PAFAH1B1: variants seen among roughly 807,000 people sequenced by gnomAD.
PAFAH1B1 encodes platelet activating factor acetylhydrolase 1b regulatory subunit 1.
A neutral mutation model predicts 57.5 loss-of-function variants in PAFAH1B1; 2 were observed. The observed-to-expected ratio is 0.03, with a 90% CI of 0.01 to 0.11. The LOEUF (loss-of-function observed/expected upper bound fraction) is 0.11, where lower values mean the gene tolerates loss of function less well. Ranked by LOEUF, PAFAH1B1 falls within the 10% of genes least tolerant of loss-of-function variation. The probability of loss-of-function intolerance (pLI) is 1.00; values close to 1 mark genes in which losing one functional copy is unlikely to be tolerated. For synonymous variants in PAFAH1B1, 152 were observed against 169.6 expected, an observed-to-expected ratio of 0.90 and a Z score of 0.81; for missense variants, 257 against 512.0, an observed-to-expected ratio of 0.50 and a Z score of 4.81.
chr17:2,615,464 G>A lies in PAFAH1B1; in HGVS notation c.-191+21458G>A, dbSNP rs201303861. Among the ~76,000 whole-genome samples the A allele has an allele frequency of 9.9e-5, 15 of 152,058 alleles. No individual in the cohort carries two copies. The East Asian group carries it at 2.7e-3, about 27-fold the overall frequency. On this transcript the variant is annotated intron_variant, in intron 1 of 10. Transcript: ENST00000397195. ...TTTCTTTCTTTCTTTTTTTTGAGAT[G>A]GAGTCTCACTGTGTCGCCCAGCCTG...
At chr17:2,625,414 A>G (rs11867265) in intron 1 of PAFAH1B1, among the ~76,000 whole-genome samples, 108 of 152,308 alleles carry the variant, frequency 7.1e-4, no homozygotes, top group African/African-American at 2.4e-3. Context: ...AATACATGCA[A>G]TATTTTGTTT....
intron 5 of PAFAH1B1, 105 bp from the exon 6 acceptor site, chr17:2,670,058 C>A (rs181384339): frequency 3.4e-6 from 3 of 874,280 alleles, no homozygotes; most frequent in Admixed American, 3.4e-5. Flanking sequence ...GTTACTTGTT[C>A]GGTTAGTTAC....
intron 5 of PAFAH1B1, among the ~76,000 whole-genome samples, chr17:2,669,714 T>C (rs530125045): frequency 3.9e-4 from 60 of 152,332 alleles, no homozygotes; most frequent in Middle Eastern, 3.4e-3. Context: ...TCAAATATTC[T>C]ACATACAAAT....
chr17:2,670,690 G>C (rs181810265), intron 6 of PAFAH1B1, among the ~76,000 whole-genome samples: 24 of 152,298 alleles, frequency 1.6e-4, no homozygotes, highest in Admixed American at 1.6e-3. Flanking sequence ...AACGAGCCCA[G>C]ATTCTCTTGC....
intron 2 of PAFAH1B1, among the ~76,000 whole-genome samples, chr17:2,664,803 C>G (rs1430819790): frequency 6.6e-6 from 1 of 151,976 alleles, no homozygotes; most frequent in Non-Finnish European, 1.5e-5. Context: ...GCTTCTCTAA[C>G]CTTCAAGTTC....
At chr17:2,621,617 T>G (rs970762841) in intron 1 of PAFAH1B1, among the ~76,000 whole-genome samples, 2 of 51,882 alleles carry the variant, frequency 3.9e-5, no homozygotes, top group African/African-American at 1.0e-4. Flanking sequence ...CTTTTTTTTT[T>G]TTTTTTTTTT....
At chr17:2,604,411 T>TA in intron 1 of PAFAH1B1, among the ~76,000 whole-genome samples, 1 of 152,280 alleles carries the variant, frequency 6.6e-6, no homozygotes, top group Admixed American at 6.5e-5. Context: ...CCTGAGTTGT[T>TA]ATGGTATACC....
chr17:2,651,410 C>G (rs144473172), intron 2 of PAFAH1B1, among the ~76,000 whole-genome samples: 1 of 123,164 alleles, frequency 8.1e-6, no homozygotes, highest in African/African-American at 3.3e-5. Flanking sequence ...AACCCCGTCT[C>G]TACAAAAAAA....
In PAFAH1B1 at chr17:2,621,629, T is replaced by G. The variant is rs963402567; in HGVS notation, c.-190-16470T>G. ...TGTCTTTTTTTTTTTTTTTTTTTTT[T>G]TTTTTTTTTTTTTTGAGACAGGGTC... is the stretch of plus-strand genomic sequence containing the variant. On this transcript the variant is annotated intron_variant, in intron 1 of 10. Coordinates refer to ENST00000397195, the MANE Select transcript of PAFAH1B1 (RefSeq NM_000430.4). Among the ~76,000 whole-genome samples, 46 of 88,768 alleles carry G rather than the reference T, an allele frequency of 5.2e-4. 2 individuals are homozygous for G. Among genetic ancestry groups the G allele is most frequent in the African/African-American group, 1.5e-3 (43 of 28,332 alleles). 58.2% of individuals were successfully genotyped at this position (88,768 alleles called of 152,430 possible).
chr17:2,685,278 C>A lies in PAFAH1B1; in HGVS notation c.*3476C>A, dbSNP rs897094516. On this transcript the variant is annotated 3_prime_UTR_variant, in exon 11 of 11. Transcript: ENST00000397195. ...CTGCTTGCTTGTACTGTCCATCCTT[C>A]AGGCATCCCTAAAGCTCACTCTGAA... The A allele has an allele frequency of 1.3e-5, 2 of 152,646 alleles. No individual in the cohort carries two copies. The highest frequency in any genetic ancestry group is 6.5e-5 in the Admixed American group (1 of 15,284). 9.5% of individuals were successfully genotyped at this position (152,646 alleles called of 1,614,324 possible).
At chr17:2,668,199 G>A (rs1597570100) in intron 5 of PAFAH1B1, among the ~76,000 whole-genome samples, 1 of 151,766 alleles carries the variant, frequency 6.6e-6, no homozygotes, top group Admixed American at 6.6e-5. Context: ...GGCAGCGTGC[G>A]CCTGTAGTCC....
chr17:2,643,927 GGCGCAGTCAGA>G (rs1331356065), intron 2 of PAFAH1B1, among the ~76,000 whole-genome samples: 3 of 152,158 alleles, frequency 2.0e-5, no homozygotes, highest in African/African-American at 7.2e-5. Context: ...GGAGTACAGT[GGCGCAGTCAGA>G]GCTCACTGCA....
At chr17:2,636,687 C>A (rs1395470373) in intron 1 of PAFAH1B1, among the ~76,000 whole-genome samples, 3 of 151,946 alleles carry the variant, frequency 2.0e-5, no homozygotes, top group Non-Finnish European at 2.9e-5. Context: ...ACATAAGCCA[C>A]CACGCCTGGC....
chr17:2,608,756 C>G (rs530017321), intron 1 of PAFAH1B1, among the ~76,000 whole-genome samples: 1 of 152,188 alleles, frequency 6.6e-6, no homozygotes, highest in Admixed American at 6.5e-5. Context: ...GCGACCTCAT[C>G]TCTAAAAATA....
At chr17:2,651,315 G>A (rs1000821739) in intron 2 of PAFAH1B1, among the ~76,000 whole-genome samples, 4 of 150,528 alleles carry the variant, frequency 2.7e-5, no homozygotes, top group African/African-American at 4.9e-5. Flanking sequence ...GGTGGCTCAC[G>A]TATGTAATCC....
At chr17:2,681,542 T>C (rs1597582068) in intron 10 of PAFAH1B1, 187 bp from the exon 11 acceptor site, 1 of 580,864 alleles carries the variant, frequency 1.7e-6, no homozygotes, top group Non-Finnish European at 3.1e-6. Flanking sequence ...CATGGCTCGC[T>C]GCAGCCTCGA....
chr17:2,672,809 C>T (rs766678073), intron 7 of PAFAH1B1, 52 bp downstream of exon 7: 2 of 1,149,806 alleles, frequency 1.7e-6, no homozygotes, highest in East Asian at 2.4e-5. Flanking sequence ...GTGGCTCACA[C>T]CTGTCATCCC....
intron 1 of PAFAH1B1, 74 bp downstream of exon 1, chr17:2,594,080 C>T (rs1045583997): frequency 1.5e-5 from 6 of 397,004 alleles, no homozygotes; most frequent in African/African-American, 1.2e-4. Flanking sequence ...CCGGACCCGG[C>T]GGCCTGACGA....
intron 2 of PAFAH1B1, among the ~76,000 whole-genome samples, chr17:2,653,912 GA>G (rs1487966943): frequency 6.6e-6 from 1 of 152,084 alleles, no homozygotes; most frequent in Admixed American, 6.6e-5. Flanking sequence ...GGGTTCACGT[GA>G]TTCTCCTGCC....
Sources: allele counts gnomAD v4.1 joint callset (sites outside exome capture counted in the v4.1 genomes callset), GRCh38; gene constraint gnomAD v4.1.1; transcripts MANE v1.5; gene names NCBI Gene and HGNC (gene_info 2026-07-23, HGNC 2026-07-21).